SRCIN1: variants seen among roughly 807,000 people sequenced by gnomAD.
The protein encoded by SRCIN1 is P130Cas-associated protein.
Under a neutral mutation model 116.2 loss-of-function variants are expected in SRCIN1, and 50 were observed. The observed-to-expected ratio is 0.43, with a 90% CI of 0.34 to 0.54. The LOEUF is 0.54. SRCIN1 is among the 20% of genes least tolerant of loss of function. SRCIN1 has a pLI of 0.02. For synonymous variants in SRCIN1, 736 were observed against 750.0 expected, an observed-to-expected ratio of 0.98 and a Z score of 0.30; for missense variants, 1,446 against 1,672.0, an observed-to-expected ratio of 0.86 and a Z score of 2.36.
chr17:38,570,944 T>C (rs769820993), intron 2 of SRCIN1, among the ~76,000 whole-genome samples: 1 of 152,238 alleles, frequency 6.6e-6, no homozygotes, highest in Non-Finnish European at 1.5e-5. Context: ...CTCTGATCTA[T>C]AGAGCACATG....
At chr17:38,578,912 C>T (rs1028279430) in intron 1 of SRCIN1, 121 bp from the exon 2 acceptor site, 1 of 1,186,204 alleles carries the variant, frequency 8.4e-7, no homozygotes, top group African/African-American at 1.6e-5. Flanking sequence ...GGAGAGGCGC[C>T]CGGGGAGAGG....
chr17:38,560,441 G>A lies in SRCIN1; in HGVS notation c.1701-16C>T, dbSNP rs375799134. 13 of 1,599,428 alleles carry A rather than the reference G, an allele frequency of 8.1e-6. No individual in the cohort carries two copies. Among genetic ancestry groups the A allele is most frequent in the African/African-American group, 2.7e-5 (2 of 74,630 alleles). On this transcript the variant is annotated splice_polypyrimidine_tract_variant and intron_variant, in intron 7 of 18. Transcript: ENST00000617146. The stretch of plus-strand genomic sequence containing the variant: ...CATGCGCTCCCTGGGGAGGAAGGGG[G>A]TCTGGGCAACCTCGCCTCTGAGCAT...
rs1295063720 is a variant in SRCIN1, at chr17:38,531,804, C to G, written c.*1493G>C. The G allele has an allele frequency of 2.0e-5, 3 of 152,826 alleles. No homozygotes were observed. Among genetic ancestry groups the G allele is most frequent in the African/African-American group, 7.2e-5 (3 of 41,574 alleles). The allele number at this position is 152,826 out of a possible 1,614,324, so 9.5% of individuals were successfully genotyped here. On this transcript the variant is annotated 3_prime_UTR_variant, in exon 19 of 19. Coordinates refer to ENST00000617146, the MANE Select transcript of SRCIN1 (RefSeq NM_025248.3). ...ACCTTCCCCAGCCAGGCCCCAGGGT[C>G]TGGGGGGCTCTGCCTTCTGCGCAGC...
chr17:38,578,498 G>C lies in SRCIN1; in HGVS notation c.316C>G (p.Arg106Gly), dbSNP rs931369754. 6.3e-7 allele frequency: 1 copy of C among 1,584,856 alleles called. No homozygotes were observed. Among genetic ancestry groups the C allele is most frequent in the African/African-American group, 1.4e-5 (1 of 73,814 alleles). Residue 106 changes from arginine to glycine, a missense_variant, in exon 2 of 19, where the codon CGA becomes GGA. Arg to Gly is a moderately radical substitution (Grantham distance 125). Coordinates refer to ENST00000617146, the MANE Select transcript of SRCIN1 (RefSeq NM_025248.3). ...GCCGGGAGCCCACTCACCTGCTCTC[G>C]CATCCTGTCCTGCTGGCCTCGCAGG... ...LALRGQQDRM[R>G]EQPNYWSFKT...
chr17:38,543,763 G>A, intron 18 of SRCIN1, 60 bp downstream of exon 18: 3 of 1,572,582 alleles, frequency 1.9e-6, no homozygotes, highest in Non-Finnish European at 1.7e-6. Flanking sequence ...TGCCCAGTGG[G>A]GCAGGGGCCC....
At chr17:38,557,878 G>A (rs1339008812) in intron 11 of SRCIN1, among the ~76,000 whole-genome samples, 1 of 152,186 alleles carries the variant, frequency 6.6e-6, no homozygotes, top group Non-Finnish European at 1.5e-5. Context: ...CACTTTGCAC[G>A]GGTCACAGGC....
At chr17:38,561,241 C>G (rs1362599150) in intron 7 of SRCIN1, among the ~76,000 whole-genome samples, 3 of 152,204 alleles carry the variant, frequency 2.0e-5, no homozygotes, top group Non-Finnish European at 4.4e-5. Flanking sequence ...TCAACCACCC[C>G]CTCCAGTCTT....
At chr17:38,577,678 C>T (rs1193587352) in intron 2 of SRCIN1, among the ~76,000 whole-genome samples, 2 of 152,178 alleles carry the variant, frequency 1.3e-5, no homozygotes, top group Non-Finnish European at 2.9e-5. Context: ...AGCGCCTCAC[C>T]AATGCAGAAC....
Position 38,558,269 on chromosome 17 carries a change from A to G in SRCIN1, c.2159T>C (p.Leu720Pro). Reference protein sequence around the residue: ...RQRTLVEEERLRYLNDEELIT... With the variant: ...RQRTLVEEERPRYLNDEELIT... Reference sequence around the variant, plus strand: ...AAGCTCCTCGTCGTTGAGATAGCGCAGCCGTTCCTCTTCCACCAGGGTGCG... The same window carrying G: ...AAGCTCCTCGTCGTTGAGATAGCGCGGCCGTTCCTCTTCCACCAGGGTGCG... Residue 720 changes from leucine (L) to proline (P), a missense_variant, in exon 11 of 19, where the codon CTG (leucine) becomes CCG (proline). By Grantham distance (98) the Leu-to-Pro change is moderately conservative. This residue lies in a region of SRCIN1 where 531 missense variants were observed against 633.9 expected (regional missense o/e 0.84). Coordinates refer to ENST00000617146, the MANE Select transcript of SRCIN1 (RefSeq NM_025248.3). This position sits in a 1 kb window ranked among gnomAD's most constrained non-coding sequence, Gnocchi z 4.6. The G allele has an allele frequency of 6.2e-7, 1 of 1,612,908 alleles. No individual in the cohort carries two copies. The highest frequency in any genetic ancestry group is 8.5e-7 in the Non-Finnish European group (1 of 1,179,698).
At position 38,543,927 on chromosome 17, in the gene SRCIN1, C is replaced by T; in HGVS notation, c.3313G>A (p.Gly1105Arg). The part of the protein sequence containing the change: ...SVPPMKVVTP[G>R]ASRLKAAQGQ... ...TGGGCCGCCTTCAGCCGAGAGGCCC[C>T]CGGAGTCACCACCTTCATGGGTGGT... The change falls in exon 18 of 19, where the codon GGG becomes AGG. Residue 1105 changes from glycine (G) to arginine (R), a missense_variant. By Grantham distance (125) the Gly-to-Arg change is moderately radical (BLOSUM62 -2). Around this residue, in one of 5 missense-constraint regions of SRCIN1, gnomAD observed 531 missense variants for 633.9 expected, o/e 0.84. Transcript: ENST00000617146. The T allele has an allele frequency of 6.3e-7, 1 of 1,599,478 alleles. No homozygotes were observed. Among genetic ancestry groups the T allele is most frequent in the Non-Finnish European group, 8.5e-7 (1 of 1,177,354 alleles).
intron 1 of SRCIN1, among the ~76,000 whole-genome samples, chr17:38,590,153 C>A (rs1243185249): frequency 6.6e-6 from 1 of 151,924 alleles, no homozygotes; most frequent in Non-Finnish European, 1.5e-5. Flanking sequence ...CTTCTCCAAT[C>A]CACACATCCA....
In SRCIN1 at chr17:38,604,904, C is replaced by A. The variant is rs1326493327; in HGVS notation, c.22+780G>T. Among the ~76,000 whole-genome samples, 2 of 151,864 alleles carry A rather than the reference C, an allele frequency of 1.3e-5. No homozygotes were observed. Among genetic ancestry groups the A allele is most frequent in the Admixed American group, 6.5e-5 (1 of 15,284 alleles). ...CCCAGCTGGGGGCGCCCTCCCCTGC[C>A]CCCTGGCCTCTGCAGGGGGAGGGGT... is the stretch of plus-strand genomic sequence containing the variant. On this transcript the variant is annotated intron_variant, in intron 1 of 18. Transcript: ENST00000617146. The surrounding 1 kb of genome is among the most constrained non-coding windows in gnomAD (Gnocchi z 4.3).
chr17:38,565,560 A>T (rs1209068148), intron 3 of SRCIN1, among the ~76,000 whole-genome samples: 2 of 152,212 alleles, frequency 1.3e-5, no homozygotes, highest in Non-Finnish European at 2.9e-5. Context: ...TTAAAAAAAG[A>T]CAACAATAAA....
At chr17:38,554,049 A>C (rs927567463) in intron 11 of SRCIN1, among the ~76,000 whole-genome samples, 2 of 152,120 alleles carry the variant, frequency 1.3e-5, no homozygotes, top group African/African-American at 4.8e-5. Flanking sequence ...TGTCTTTACT[A>C]AATATACAAA....
At chr17:38,548,040 G>A (rs917946814) in intron 17 of SRCIN1, among the ~76,000 whole-genome samples, 8 of 152,136 alleles carry the variant, frequency 5.3e-5, no homozygotes, top group African/African-American at 1.9e-4. Context: ...AGCCCTCTCT[G>A]CCCTCATCTG....
At chr17:38,550,983 T>A (rs985275763) in intron 15 of SRCIN1, among the ~76,000 whole-genome samples, 172 bp downstream of exon 15, 2 of 152,216 alleles carry the variant, frequency 1.3e-5, no homozygotes, top group Non-Finnish European at 2.9e-5. Context: ...GCTTGCCCTG[T>A]CCTTCTGGGT....
At chr17:38,606,372 G>A (rs967094104), upstream of SRCIN1, among the ~76,000 whole-genome samples, 2 of 152,022 alleles carry the variant, frequency 1.3e-5, no homozygotes, top group African/African-American at 4.8e-5. This position sits in a 1 kb window ranked among gnomAD's most constrained non-coding sequence, Gnocchi z 5.2. Flanking sequence ...GAGACTGGGG[G>A]CTCCCTTCAG....
At position 38,563,009 on chromosome 17, in the gene SRCIN1, G is replaced by T; in HGVS notation, c.741-89C>A. The T allele has an allele frequency of 9.0e-7, 1 of 1,115,398 alleles. No individual in the cohort carries two copies. 69.1% of individuals were successfully genotyped at this position (1,115,398 alleles called of 1,614,324 possible). A position where few individuals can be genotyped will look rare whatever the true frequency, so the allele number is the denominator to read the frequency against. ...GGCTACTCCAGGCCTAGAGAAGAGG[G>T]GTGGCCAGAGGCACCGGGAGCCCCA... On this transcript the variant is annotated intron_variant, in intron 5 of 18. Coordinates refer to ENST00000617146, the MANE Select transcript of SRCIN1 (RefSeq NM_025248.3). This position sits in a 1 kb window ranked among gnomAD's most constrained non-coding sequence, Gnocchi z 5.8.
chr17:38,547,545 C>A (rs1220644578), intron 17 of SRCIN1, among the ~76,000 whole-genome samples: 1 of 152,102 alleles, frequency 6.6e-6, no homozygotes, highest in African/African-American at 2.4e-5. Context: ...TCTCAGGGAG[C>A]CCCCCAGCAA....
Sources: gnomAD v4.1 joint callset for allele counts (sites outside exome capture counted in the v4.1 genomes callset) on GRCh38, gnomAD v4.1.1 for gene constraint, gnomAD v4.1.1 regional missense constraint, Gnocchi (gnomAD v3.1) non-coding constraint, MANE v1.5 for transcripts, NCBI Gene and HGNC (gene_info 2026-07-23, HGNC 2026-07-21) for gene names.